Variants in DDX60L observed in about 807,000 individuals in gnomAD.
DDX60L encodes the protein DExD/H-box 60 like, also known as probable ATP-dependent RNA helicase DDX60-like.
DDX60L carries 191 observed loss-of-function variants against 211.6 expected under a neutral mutation model. The ratio of observed to expected loss-of-function variants is 0.90; its 90% confidence interval spans 0.80 to 1.02. The LOEUF (loss-of-function observed/expected upper bound fraction) is 1.02. DDX60L is among the 50% of genes least tolerant of loss of function. The pLI, the probability that DDX60L is intolerant of heterozygous loss-of-function variation, is 0.00. For synonymous variants in DDX60L, 706 were observed against 694.1 expected (o/e 1.02, Z -0.27); for missense variants, 2,007 against 1,984.1 (o/e 1.01, Z -0.22).
intron 9 of DDX60L, among the ~76,000 whole-genome samples, chr4:168,447,943 G>C (rs112504734): frequency 0.08 from 12,013 of 150,026 alleles, 1,132 homozygotes; most frequent in African/African-American, 0.23. Flanking sequence ...ACGAGTTAGT[G>C]GGTGCAGCGC....
chr4:168,466,537 G>T (rs976633679), intron 4 of DDX60L, among the ~76,000 whole-genome samples: 3 of 152,186 alleles, frequency 2.0e-5, no homozygotes, highest in Non-Finnish European at 2.9e-5. Flanking sequence ...GTAAAATTAT[G>T]TGATGATATT....
Position 168,384,646 on chromosome 4 carries a change from G to C in DDX60L, c.4082C>G (p.Ser1361Cys), listed in dbSNP as rs752222291. Residue 1361 changes from serine (S) to cysteine (C), a missense_variant, in exon 30 of 38, where the codon TCC becomes TGC. Physicochemically the swap from Ser to Cys is moderately radical, Grantham distance 112. Coordinates refer to ENST00000682922, the MANE Select transcript of DDX60L (RefSeq NM_001012967.3). Reference sequence around the variant, plus strand: ...GGCATCCTCTGGGTCATCTCCCTTGGAAGCCAGCAGCATGAGTCGCAGGAC... The same window carrying C: ...GGCATCCTCTGGGTCATCTCCCTTGCAAGCCAGCAGCATGAGTCGCAGGAC... Reference protein sequence around the residue: ...TLVLRLMLLASKGDDPEDAKA... With the variant: ...TLVLRLMLLACKGDDPEDAKA... 36 of 1,613,862 alleles carry C rather than the reference G, an allele frequency of 2.2e-5. No individual in the cohort carries two copies. The highest frequency in any genetic ancestry group is 2.9e-5 in the Non-Finnish European group (34 of 1,179,964).
intron 24 of DDX60L, 49 bp from the exon 25 acceptor site, chr4:168,404,155 AAACAG>A (rs1356089390): frequency 2.8e-5 from 33 of 1,160,064 alleles, no homozygotes; most frequent in Non-Finnish European, 3.8e-5. Context: ...GAATTTGTGG[AAACAG>A]AAGAAAGAAA....
chr4:168,453,794 A>C (rs966711124), intron 7 of DDX60L, among the ~76,000 whole-genome samples: 2 of 152,214 alleles, frequency 1.3e-5, no homozygotes, highest in African/African-American at 4.8e-5. Context: ...AAAAAACCTT[A>C]ATCTGGGTAT....
Position 168,373,649 on chromosome 4 carries a change from A to C in DDX60L, c.4776+17T>G, listed in dbSNP as rs1467098046. ...CTGTTAAACACATTTTGTACATAAGATGTATCCTTCACTTACCTGGTTGAT... is the reference window on the plus strand; with the variant it reads ...CTGTTAAACACATTTTGTACATAAGCTGTATCCTTCACTTACCTGGTTGAT... On this transcript the variant is annotated intron_variant, in intron 35 of 37. Coordinates refer to ENST00000682922, the MANE Select transcript of DDX60L (RefSeq NM_001012967.3). 4 of 1,610,920 alleles carry C rather than the reference A, an allele frequency of 2.5e-6. No individual in the cohort carries two copies. The highest frequency in any genetic ancestry group is 2.5e-6 in the Non-Finnish European group (3 of 1,177,988).
intron 24 of DDX60L, 76 bp from the exon 25 acceptor site, chr4:168,404,182 G>C: frequency 1.9e-6 from 2 of 1,044,092 alleles, no homozygotes; most frequent in Non-Finnish European, 2.6e-6. Context: ...GAATTATTTT[G>C]TTGTCTAAAA....
chr4:168,403,895 C>CTA, intron 25 of DDX60L, 87 bp downstream of exon 25: 2 of 712,784 alleles, frequency 2.8e-6, no homozygotes, highest in Non-Finnish European at 4.1e-6. Flanking sequence ...CTTCTAACCA[C>CTA]TATATATAAA....
intron 5 of DDX60L, among the ~76,000 whole-genome samples, chr4:168,458,310 C>A (rs1190500237): frequency 1.3e-5 from 2 of 152,042 alleles, no homozygotes; most frequent in Non-Finnish European, 2.9e-5. Flanking sequence ...TGGGTATATA[C>A]CCAAAGGAAT....
At chr4:168,384,942 A>AT in intron 29 of DDX60L, 130 bp from the exon 30 acceptor site, 1 of 917,854 alleles carries the variant, frequency 1.1e-6, no homozygotes, top group South Asian at 1.7e-5. Context: ...AAACTAATCT[A>AT]TGTTAACATG....
chr4:168,399,072 A>G (rs1746325672), intron 26 of DDX60L, among the ~76,000 whole-genome samples: 1 of 152,178 alleles, frequency 6.6e-6, no homozygotes, highest in Non-Finnish European at 1.5e-5. Flanking sequence ...CCATTTCTCA[A>G]TAAAGCTCTT....
chr4:168,376,309 T>C (rs1741941698), intron 33 of DDX60L, among the ~76,000 whole-genome samples: 1 of 152,176 alleles, frequency 6.6e-6, no homozygotes, highest in Non-Finnish European at 1.5e-5. Context: ...TATGATCATA[T>C]AAATCAAAAT....
chr4:168,470,796 C>T (rs192301167), intron 4 of DDX60L: 12 of 219,384 alleles, frequency 5.5e-5, no homozygotes, highest in East Asian at 1.5e-4. Flanking sequence ...GCCGAGATCA[C>T]GGCATTGCAC....
chr4:168,423,620 CA>C lies in DDX60L; in HGVS notation c.2084del (p.Leu695TrpfsTer5), dbSNP rs763468368. On this transcript the variant is annotated frameshift_variant, in exon 15 of 38. Transcript: ENST00000682922. LOFTEE classifies it high-confidence loss of function. ...CTAGTTCTCTTACCAGAGTTGGATC[CA>C]AAGAGTTTGCCAGATCATTAAAGCC... is the stretch of plus-strand genomic sequence containing the variant. ...YLGFNDLANS[L>X]DPTLIGDDKN... 6.4e-7 allele frequency: 1 copy of C among 1,571,516 alleles called. No homozygotes were observed. The highest frequency in any genetic ancestry group is 2.3e-5 in the East Asian group (1 of 43,802).
intron 6 of DDX60L, 63 bp downstream of exon 6, chr4:168,457,829 A>T: frequency 9.9e-7 from 1 of 1,010,184 alleles, no homozygotes; most frequent in South Asian, 1.6e-5. Flanking sequence ...AACTAATCAC[A>T]AGTTCATTCT....
intron 26 of DDX60L, among the ~76,000 whole-genome samples, chr4:168,396,459 C>T (rs577211165): frequency 2.6e-5 from 4 of 152,126 alleles, no homozygotes; most frequent in East Asian, 1.9e-4. Flanking sequence ...GCAAAGGGGG[C>T]GGGGTGTGTG....
rs1322732012 is a variant in DDX60L, at chr4:168,462,643, T to G, written c.265-603A>C. 5.9e-5 allele frequency among the ~76,000 whole-genome samples: 9 copies of G among 152,010 alleles called. No homozygotes were observed. In the East Asian group the frequency reaches 1.7e-3, roughly 29 times the overall value. ...GTCTGGCCAACATGGTGAAACCCTGTTTCTACTAAAAATACAAAAATTAGC... is the reference window on the plus strand; with the variant it reads ...GTCTGGCCAACATGGTGAAACCCTGGTTCTACTAAAAATACAAAAATTAGC... On this transcript the variant is annotated intron_variant, in intron 4 of 37. Coordinates refer to ENST00000682922, the MANE Select transcript of DDX60L (RefSeq NM_001012967.3).
At chr4:168,416,856 G>A in intron 19 of DDX60L, 59 bp from the exon 20 acceptor site, 1 of 962,846 alleles carries the variant, frequency 1.0e-6, no homozygotes. Flanking sequence ...ATAAAAAATA[G>A]AAGCATAAAA....
chr4:168,461,472 A>G (rs1348552959), intron 5 of DDX60L, among the ~76,000 whole-genome samples: 1 of 152,226 alleles, frequency 6.6e-6, no homozygotes, highest in Non-Finnish European at 1.5e-5. Flanking sequence ...ATAATGCTAC[A>G]AACCTTATAG....
chr4:168,408,300 T>A (rs1748108566), intron 22 of DDX60L, among the ~76,000 whole-genome samples: 1 of 152,196 alleles, frequency 6.6e-6, no homozygotes, highest in Admixed American at 6.5e-5. Context: ...GTTGTGAGGA[T>A]TAAATGATAT....
Sources: gnomAD v4.1 joint callset for allele counts (sites outside exome capture counted in the v4.1 genomes callset) on GRCh38, gnomAD v4.1.1 for gene constraint, MANE v1.5 for transcripts, NCBI Gene and HGNC (gene_info 2026-07-23, HGNC 2026-07-21) for gene names.